TMEM200A: variants seen among roughly 807,000 people sequenced by gnomAD.
TMEM200A encodes transmembrane protein 200A.
In TMEM200A, 12 loss-of-function variants were observed where a neutral mutation model predicts 24.3. The ratio of observed to expected loss-of-function variants is 0.49; its 90% CI spans 0.32 to 0.80. TMEM200A has a LOEUF of 0.80. TMEM200A is among the 30% of genes least tolerant of loss of function. TMEM200A has a pLI of 0.04. For synonymous variants in TMEM200A, 224 were observed against 224.4 expected (o/e 1.00, Z 0.02); for missense variants, 545 against 614.4 (o/e 0.89, Z 1.19).
rs12662808 is a variant in TMEM200A, at chr6:130,382,036, C to T, written c.-80-3137C>T. 571 of 892,292 alleles carry T rather than the reference C, an allele frequency of 6.4e-4. 19 individuals carry two copies. The East Asian group carries it at 0.048, about 75-fold the overall frequency. 55.3% of individuals were successfully genotyped at this position (892,292 alleles called of 1,614,324 possible). On this transcript the variant is annotated intron_variant, in intron 1 of 2. Transcript: ENST00000296978. ...TGTGAACCTTTTATGATCTGGGCTACTTATGATTCAGTTGAGATTTTTTTT... is the reference window on the plus strand; with the variant it reads ...TGTGAACCTTTTATGATCTGGGCTATTTATGATTCAGTTGAGATTTTTTTT...
At chr6:130,408,633 G>A (rs1391711440) in intron 2 of TMEM200A, among the ~76,000 whole-genome samples, 1 of 152,114 alleles carries the variant, frequency 6.6e-6, no homozygotes, top group East Asian at 1.9e-4. Flanking sequence ...TGGAGAAGAG[G>A]TAGGAAATGG....
At chr6:130,432,050 A>C (rs942068003) in intron 2 of TMEM200A, among the ~76,000 whole-genome samples, 2 of 152,222 alleles carry the variant, frequency 1.3e-5, no homozygotes, top group African/African-American at 4.8e-5. Context: ...AGATCTTCAG[A>C]ATGTGTCCAT....
chr6:130,372,516 C>T (rs1005318592), intron 1 of TMEM200A, among the ~76,000 whole-genome samples: 1 of 152,124 alleles, frequency 6.6e-6, no homozygotes, highest in Non-Finnish European at 1.5e-5. Flanking sequence ...TTTATACATA[C>T]AGATACTCTG....
At chr6:130,406,391 T>C (rs946844294) in intron 2 of TMEM200A, among the ~76,000 whole-genome samples, 1 of 152,122 alleles carries the variant, frequency 6.6e-6, no homozygotes, top group Non-Finnish European at 1.5e-5. Context: ...TTATGTTGAT[T>C]CCCCCTTGCA....
chr6:130,432,704 A>G (rs1297494698), intron 2 of TMEM200A, among the ~76,000 whole-genome samples: 1 of 152,226 alleles, frequency 6.6e-6, no homozygotes, highest in Admixed American at 6.5e-5. Context: ...AGCATTATAT[A>G]CATAACTTAT....
chr6:130,402,831 A>T (rs1779119405), intron 2 of TMEM200A, among the ~76,000 whole-genome samples: 1 of 152,162 alleles, frequency 6.6e-6, no homozygotes, highest in African/African-American at 2.4e-5. Flanking sequence ...AGTTTTATTT[A>T]TAAATATCCC....
At chr6:130,402,940 T>G (rs1381900636) in intron 2 of TMEM200A, among the ~76,000 whole-genome samples, 5 of 152,060 alleles carry the variant, frequency 3.3e-5, no homozygotes, top group Admixed American at 2.0e-4. Flanking sequence ...CATCTCCATC[T>G]CTTTTCTTTA....
At chr6:130,415,324 G>T (rs1779424537) in intron 2 of TMEM200A, among the ~76,000 whole-genome samples, 1 of 152,156 alleles carries the variant, frequency 6.6e-6, no homozygotes, top group Non-Finnish European at 1.5e-5. Context: ...TTGGGAGAAT[G>T]AGCAGAAGGT....
intron 1 of TMEM200A, among the ~76,000 whole-genome samples, chr6:130,384,488 G>A (rs555442602): frequency 6.6e-6 from 1 of 152,104 alleles, no homozygotes; most frequent in South Asian, 2.1e-4. Context: ...ATTTTTTAAT[G>A]TTTTGTAGAG....
At chr6:130,431,346 C>T (rs1006525965) in intron 2 of TMEM200A, among the ~76,000 whole-genome samples, 2 of 152,046 alleles carry the variant, frequency 1.3e-5, no homozygotes, top group Non-Finnish European at 2.9e-5. Context: ...TATAAAAAGT[C>T]CAATTTGTGA....
intron 2 of TMEM200A, among the ~76,000 whole-genome samples, chr6:130,416,527 C>G (rs1188742228): frequency 6.6e-6 from 1 of 152,156 alleles, no homozygotes; most frequent in East Asian, 1.9e-4. Context: ...TTGATAGCTG[C>G]TCATCTTTAC....
intron 2 of TMEM200A, among the ~76,000 whole-genome samples, chr6:130,398,981 A>G (rs938123637): frequency 6.6e-6 from 1 of 151,988 alleles, no homozygotes; most frequent in East Asian, 1.9e-4. Flanking sequence ...TTGATGATCC[A>G]TGAGTGTAAA....
intron 1 of TMEM200A, among the ~76,000 whole-genome samples, chr6:130,370,331 C>T (rs1022355872): frequency 6.6e-6 from 1 of 152,084 alleles, no homozygotes; most frequent in Admixed American, 6.5e-5. Flanking sequence ...CTGTGTCTAG[C>T]AGAGAGTGCT....
intron 2 of TMEM200A, among the ~76,000 whole-genome samples, chr6:130,432,295 A>G (rs1045319371): frequency 6.6e-6 from 1 of 152,196 alleles, no homozygotes; most frequent in Non-Finnish European, 1.5e-5. Context: ...CATCAGATGA[A>G]CGGGTTTAGG....
chr6:130,385,113 T>G (rs925522286), intron 1 of TMEM200A, 60 bp from the exon 2 acceptor site: 3 of 152,226 alleles, frequency 2.0e-5, no homozygotes, highest in African/African-American at 7.2e-5. Context: ...GCTTCATGCA[T>G]GTAAATTTGC....
At chr6:130,421,225 C>T (rs1312978326) in intron 2 of TMEM200A, 1 of 152,122 alleles carries the variant, frequency 6.6e-6, no homozygotes, top group Non-Finnish European at 1.5e-5. Flanking sequence ...AATTTGCATT[C>T]CCGACAAGCT....
At chr6:130,382,565 T>C (rs1778625711) in intron 1 of TMEM200A, among the ~76,000 whole-genome samples, 2 of 152,224 alleles carry the variant, frequency 1.3e-5, no homozygotes. Context: ...TATGAAATGA[T>C]AGTGACTGGT....
chr6:130,370,732 A>T (rs1446259141), intron 1 of TMEM200A, among the ~76,000 whole-genome samples: 2 of 152,118 alleles, frequency 1.3e-5, no homozygotes, highest in African/African-American at 2.4e-5. Flanking sequence ...TTCTGGAATG[A>T]ATGGGAAGCC....
intron 2 of TMEM200A, among the ~76,000 whole-genome samples, chr6:130,396,888 G>A (rs911424954): frequency 2.6e-5 from 4 of 152,102 alleles, no homozygotes; most frequent in African/African-American, 7.2e-5. Context: ...GGCATTCCAT[G>A]TTTCACCCTC....
Sources: allele counts gnomAD v4.1 joint callset (sites outside exome capture counted in the v4.1 genomes callset), GRCh38; gene constraint gnomAD v4.1.1; transcripts MANE v1.5; gene names NCBI Gene and HGNC (gene_info 2026-07-23, HGNC 2026-07-21).